The following MORN4 variants were observed in gnomAD, a reference collection of about 807,000 sequenced individuals.
The protein encoded by MORN4 is MORN repeat containing 4.
Under a neutral mutation model 16.4 loss-of-function variants are expected in MORN4, and 8 were observed. The observed-to-expected ratio is 0.49, with a 90% CI of 0.29 to 0.88. The LOEUF is 0.88. MORN4 is among the 40% of genes least tolerant of loss of function. MORN4 has a pLI of 0.09. For synonymous variants in MORN4, 53 were observed against 68.9 expected (o/e 0.77, Z 1.14); for missense variants, 159 against 182.9 (o/e 0.87, Z 0.75).
chr10:97,618,406 A>T (rs1046027935), intron 2 of MORN4, among the ~76,000 whole-genome samples: 2 of 151,788 alleles, frequency 1.3e-5, no homozygotes, highest in African/African-American at 4.8e-5. Flanking sequence ...CTGGGATTAC[A>T]AAGTGTTGGG....
chr10:97,627,688 T>C (rs1205937916), intron 1 of MORN4, among the ~76,000 whole-genome samples: 1 of 152,228 alleles, frequency 6.6e-6, no homozygotes, highest in Non-Finnish European at 1.5e-5. Flanking sequence ...GCCACTCCCA[T>C]AGGACTTTCT....
intron 1 of MORN4, among the ~76,000 whole-genome samples, chr10:97,628,911 G>A (rs534222193): frequency 7.9e-5 from 12 of 152,282 alleles, no homozygotes; most frequent in Non-Finnish European, 1.8e-4. Flanking sequence ...AAACTGAAAA[G>A]GTTACCTTCT....
intron 1 of MORN4, among the ~76,000 whole-genome samples, chr10:97,632,817 T>C (rs2041408542): frequency 6.6e-6 from 1 of 151,894 alleles, no homozygotes; most frequent in Admixed American, 6.6e-5. Flanking sequence ...AGGGCTGGAC[T>C]CCGATATAGC....
chr10:97,622,034 T>C (rs1318775972), intron 1 of MORN4, among the ~76,000 whole-genome samples: 2 of 152,170 alleles, frequency 1.3e-5, no homozygotes, highest in East Asian at 3.8e-4. Flanking sequence ...TCTGCCCCCA[T>C]GTAAATGAGT....
Position 97,633,091 on chromosome 10 carries a change from G to T in MORN4, c.-31+256C>A, listed in dbSNP as rs1444203328. Among the ~76,000 whole-genome samples the T allele has an allele frequency of 6.6e-6, 1 of 152,138 alleles. No individual in the cohort carries two copies. The highest frequency in any genetic ancestry group is 6.5e-5 in the Admixed American group (1 of 15,268). The stretch of plus-strand genomic sequence containing the variant: ...CCGGCAGGGTCTAACGCTCACACAG[G>T]TCTGCCAATTCCCCTGATGCAACCC... On this transcript the variant is annotated intron_variant, in intron 1 of 4. Transcript: ENST00000307450. This position sits in a 1 kb window ranked among gnomAD's most constrained non-coding sequence, Gnocchi z 4.5.
chr10:97,622,271 A>T (rs1300343389), intron 1 of MORN4, among the ~76,000 whole-genome samples: 2 of 152,206 alleles, frequency 1.3e-5, no homozygotes, highest in East Asian at 3.8e-4. Flanking sequence ...CTGGGAGATC[A>T]CAGTATAATG....
upstream of MORN4, chr10:97,633,659 G>A: frequency 7.9e-7 from 1 of 1,266,622 alleles, no homozygotes; most frequent in South Asian, 1.3e-5. The surrounding 1 kb of genome is among the most constrained non-coding windows in gnomAD (Gnocchi z 4.5). Flanking sequence ...CCTCTGCAAC[G>A]CAGATAAAGA....
At chr10:97,622,140 G>A (rs1025178713) in intron 1 of MORN4, among the ~76,000 whole-genome samples, 6 of 152,084 alleles carry the variant, frequency 3.9e-5, no homozygotes, top group South Asian at 2.1e-4. Flanking sequence ...TTCTGAGCCC[G>A]GCCCCAAACT....
rs769699658 is a variant in MORN4 at position 97,616,827 on chromosome 10, A to G, written c.183-40T>C. Reference sequence around the variant, plus strand: ...AGAAGTTAGCCTTCAGTGGAAAGTTAGCTGTCCAGATGAACGGAGTCGAGC... The same window carrying G: ...AGAAGTTAGCCTTCAGTGGAAAGTTGGCTGTCCAGATGAACGGAGTCGAGC... On this transcript the variant is annotated intron_variant, in intron 3 of 4. Transcript: ENST00000307450. The G allele has an allele frequency of 1.7e-5, 24 of 1,412,958 alleles. No individual in the cohort carries two copies. The Admixed American group carries it at 3.9e-4, about 23-fold the overall frequency. 87.5% of individuals were successfully genotyped at this position (1,412,958 alleles called of 1,614,324 possible).
chr10:97,629,595 G>A (rs1274384222), intron 1 of MORN4, among the ~76,000 whole-genome samples: 2 of 151,962 alleles, frequency 1.3e-5, no homozygotes, highest in African/African-American at 4.8e-5. Flanking sequence ...CCTATCCCAC[G>A]TACCAGGCAT....
chr10:97,625,142 A>G (rs998928032), intron 1 of MORN4, among the ~76,000 whole-genome samples: 1 of 152,206 alleles, frequency 6.6e-6, no homozygotes, highest in African/African-American at 2.4e-5. Flanking sequence ...TGTGGAAACT[A>G]ACACGTGAAA....
chr10:97,626,913 A>G (rs1031117018), intron 1 of MORN4, among the ~76,000 whole-genome samples: 1 of 147,712 alleles, frequency 6.8e-6, no homozygotes, highest in African/African-American at 2.5e-5. Flanking sequence ...CCCTGCCACC[A>G]CGCCCAGCTA....
intron 1 of MORN4, among the ~76,000 whole-genome samples, chr10:97,624,152 T>C (rs963736180): frequency 1.2e-4 from 18 of 152,154 alleles, no homozygotes; most frequent in African/African-American, 4.1e-4. Flanking sequence ...AAGAGTGGGT[T>C]CCATAGTTTC....
Position 97,633,179 on chromosome 10 carries a change from A to G in MORN4, c.-31+168T>C, listed in dbSNP as rs2041412088. On this transcript the variant is annotated intron_variant, in intron 1 of 4. Transcript: ENST00000307450. The surrounding 1 kb of genome is among the most constrained non-coding windows in gnomAD (Gnocchi z 4.5). ...TCCCGGGCCTCGACCCCCGCGGTGG[A>G]GACTAAAGGGTTCAGGTTTGGGTCC... 3.3e-5 allele frequency among the ~76,000 whole-genome samples: 5 copies of G among 152,016 alleles called. No individual in the cohort carries two copies. The highest frequency in any genetic ancestry group is 2.6e-4 in the Admixed American group (4 of 15,262).
chr10:97,621,226 A>C (rs2041290540), intron 1 of MORN4, among the ~76,000 whole-genome samples: 1 of 152,192 alleles, frequency 6.6e-6, no homozygotes, highest in Non-Finnish European at 1.5e-5. Context: ...GAGAGGTAAT[A>C]AAGTTTGTTG....
At chr10:97,630,583 G>A (rs1435452158) in intron 1 of MORN4, among the ~76,000 whole-genome samples, 1 of 152,194 alleles carries the variant, frequency 6.6e-6, no homozygotes, top group African/African-American at 2.4e-5. Context: ...CAAGACCACA[G>A]TCAGAAGTGC....
At chr10:97,626,839 C>G (rs1349678146) in intron 1 of MORN4, among the ~76,000 whole-genome samples, 2 of 150,326 alleles carry the variant, frequency 1.3e-5, no homozygotes, top group Non-Finnish European at 3.0e-5. Context: ...CTCACTGTAA[C>G]CTCTGCCTCC....
intron 3 of MORN4, 75 bp from the exon 4 acceptor site, chr10:97,616,862 T>TAG: frequency 9.8e-7 from 1 of 1,023,904 alleles, no homozygotes; most frequent in Non-Finnish European, 1.5e-6. Flanking sequence ...CAGCTGCTGA[T>TAG]CTCTGTTATT....
chr10:97,618,672 T>C (rs528666153), intron 2 of MORN4, among the ~76,000 whole-genome samples: 1 of 152,290 alleles, frequency 6.6e-6, no homozygotes, highest in South Asian at 2.1e-4. Flanking sequence ...CTCTGTTTTC[T>C]GGTCAGTTCA....
Sources: allele counts gnomAD v4.1 joint callset (sites outside exome capture counted in the v4.1 genomes callset), GRCh38; gene constraint gnomAD v4.1.1; non-coding constraint Gnocchi (gnomAD v3.1); transcripts MANE v1.5; gene names NCBI Gene and HGNC (gene_info 2026-07-23, HGNC 2026-07-21).